GPR158: variants seen among roughly 807,000 people sequenced by gnomAD.
GPR158 encodes the protein metabotropic glycine receptor.
A neutral mutation model predicts 78.2 loss-of-function variants in GPR158; 30 were observed. That is an observed-to-expected ratio of 0.38 (90% CI 0.29 to 0.52). The LOEUF (loss-of-function observed/expected upper bound fraction) is 0.52. Among genes scored for constraint, GPR158 ranks in the 20% least tolerant of loss-of-function variants. GPR158 has a pLI of 0.83. For synonymous variants in GPR158, 581 were observed against 591.1 expected, an observed-to-expected ratio of 0.98 and a Z score of 0.25; for missense variants, 1,463 against 1,523.5, an observed-to-expected ratio of 0.96 and a Z score of 0.66.
At position 25,175,384 on chromosome 10, in the gene GPR158, C is replaced by T. The variant is rs1195305763; in HGVS notation, c.-37C>T. On this transcript the variant is annotated 5_prime_UTR_variant, in exon 1 of 11. Transcript: ENST00000376351. This position sits in a 1 kb window ranked among gnomAD's most constrained non-coding sequence, Gnocchi z 6.4. ...GATCCAAATTTAAAAAGTGATTCCC[C>T]CCCCTCCCGTTCCCTCCTCTTCTCT... is the stretch of plus-strand genomic sequence containing the variant. 1.6e-6 allele frequency: 2 copies of T among 1,287,318 alleles called. No homozygotes were observed. Among genetic ancestry groups the T allele is most frequent in the Non-Finnish European group, 1.1e-6 (1 of 926,964 alleles). The allele number at this position is 1,287,318 out of a possible 1,614,324, so 79.7% of individuals were successfully genotyped here.
At chr10:25,206,132 C>T (rs915893263) in intron 1 of GPR158, among the ~76,000 whole-genome samples, 3 of 151,754 alleles carry the variant, frequency 2.0e-5, no homozygotes, top group Non-Finnish European at 4.4e-5. Context: ...ACTACAGGCG[C>T]CCACCACCAC....
At chr10:25,513,086 G>A (rs1209172967) in intron 5 of GPR158, among the ~76,000 whole-genome samples, 1 of 151,922 alleles carries the variant, frequency 6.6e-6, no homozygotes, top group East Asian at 1.9e-4. Context: ...CTATCTTTTG[G>A]GATAGTGTCA....
intron 2 of GPR158, among the ~76,000 whole-genome samples, chr10:25,291,067 GT>G (rs1431775226): frequency 2.0e-5 from 3 of 151,962 alleles, no homozygotes; most frequent in African/African-American, 4.8e-5. Context: ...CATACTTGCA[GT>G]CATAATACGC....
intron 2 of GPR158, among the ~76,000 whole-genome samples, chr10:25,384,956 A>T (rs1834203731): frequency 6.6e-6 from 1 of 152,170 alleles, no homozygotes; most frequent in South Asian, 2.1e-4. Flanking sequence ...TATTTTTTTA[A>T]AAATTTAATT....
chr10:25,263,312 C>T (rs561421604), intron 2 of GPR158, among the ~76,000 whole-genome samples: 2 of 152,214 alleles, frequency 1.3e-5, no homozygotes, highest in African/African-American at 2.4e-5. Context: ...GTATTGCTTT[C>T]GCTTCTTTCT....
chr10:25,289,696 A>G (rs1854407161), intron 2 of GPR158, among the ~76,000 whole-genome samples: 1 of 152,160 alleles, frequency 6.6e-6, no homozygotes, highest in Non-Finnish European at 1.5e-5. Context: ...CTGAAATTAC[A>G]GGTGTGAGCC....
chr10:25,576,301 C>T (rs1033001237), intron 7 of GPR158, among the ~76,000 whole-genome samples: 2 of 152,116 alleles, frequency 1.3e-5, no homozygotes, highest in South Asian at 2.1e-4. Flanking sequence ...GTACGGGATT[C>T]GGTTTTTCAT....
In GPR158 at chr10:25,249,523, G is replaced by T. The variant is rs539692334; in HGVS notation, c.1008+28366G>T. Among the ~76,000 whole-genome samples, 14 of 151,634 alleles carry T rather than the reference G, an allele frequency of 9.2e-5. No individual in the cohort carries two copies. The South Asian group carries it at 2.7e-3, about 29-fold the overall frequency. On this transcript the variant is annotated intron_variant, in intron 2 of 10. Coordinates refer to ENST00000376351, the MANE Select transcript of GPR158 (RefSeq NM_020752.3). ...TTTATTGAGAGTTTTTAGCATGAAG[G>T]GTTGTTGAATTTTGTCAAAGGCTTT...
intron 5 of GPR158, among the ~76,000 whole-genome samples, chr10:25,484,019 T>C (rs1835698985): frequency 2.0e-5 from 3 of 152,194 alleles, no homozygotes; most frequent in Admixed American, 2.0e-4. Flanking sequence ...TAAATCTTTA[T>C]CTCTAATTTC....
chr10:25,471,025 T>C (rs2130623070), intron 5 of GPR158, among the ~76,000 whole-genome samples: 1 of 152,180 alleles, frequency 6.6e-6, no homozygotes, highest in African/African-American at 2.4e-5. Flanking sequence ...TTGTTACATA[T>C]GTATACATGT....
intron 2 of GPR158, among the ~76,000 whole-genome samples, chr10:25,269,756 G>A (rs1048786261): frequency 1.3e-5 from 2 of 152,160 alleles, no homozygotes; most frequent in African/African-American, 4.8e-5. Context: ...CGGAGAAACT[G>A]AGCTGATGTT....
At chr10:25,306,573 A>G (rs1487012904) in intron 2 of GPR158, among the ~76,000 whole-genome samples, 1 of 152,220 alleles carries the variant, frequency 6.6e-6, no homozygotes, top group Admixed American at 6.5e-5. Context: ...ATGTATATGC[A>G]CATGCAGACA....
intron 2 of GPR158, among the ~76,000 whole-genome samples, chr10:25,233,032 C>G (rs1853473390): frequency 6.6e-6 from 1 of 152,054 alleles, no homozygotes; most frequent in Admixed American, 6.6e-5. Flanking sequence ...ATATTTAGAG[C>G]AGTTATTGTG....
At chr10:25,516,463 G>A (rs1321401940) in intron 5 of GPR158, among the ~76,000 whole-genome samples, 9 of 151,420 alleles carry the variant, frequency 5.9e-5, no homozygotes, top group African/African-American at 1.9e-4. Context: ...TGTCCTGAAT[G>A]GTAATGCCTA....
At chr10:25,272,330 A>G (rs1854128063) in intron 2 of GPR158, among the ~76,000 whole-genome samples, 1 of 152,176 alleles carries the variant, frequency 6.6e-6, no homozygotes, top group African/African-American at 2.4e-5. Context: ...TTTCTTAATG[A>G]AAGAAAATTT....
chr10:25,217,947 G>T (rs1853241491), intron 1 of GPR158, among the ~76,000 whole-genome samples: 1 of 152,038 alleles, frequency 6.6e-6, no homozygotes, highest in East Asian at 1.9e-4. Context: ...TTCAGTCTCA[G>T]AATTTCCCAG....
At chr10:25,269,509 G>C (rs1048397251) in intron 2 of GPR158, among the ~76,000 whole-genome samples, 1 of 152,060 alleles carries the variant, frequency 6.6e-6, no homozygotes, top group African/African-American at 2.4e-5. Context: ...TTATATTTTA[G>C]CACAGAAGGA....
rs1564501872 is a variant in GPR158 at position 25,598,411 on chromosome 10, A to T, written c.2785A>T (p.Thr929Ser). ...CCAAACAGCAGGTGTGGAAGAACGC[A>T]CTAAATCCCAGAAACCTTTGCCAAA... is the stretch of plus-strand genomic sequence containing the variant. Reference protein sequence around the residue: ...KTQTAGVEERTKSQKPLPKDK... With the variant: ...KTQTAGVEERSKSQKPLPKDK... The change falls in exon 11 of 11, where the codon ACT (threonine) becomes TCT (serine). Residue 929 changes from threonine (T) to serine (S), a missense_variant. By Grantham distance (58) the Thr-to-Ser change is moderately conservative (BLOSUM62 1). Transcript: ENST00000376351. The T allele has an allele frequency of 6.2e-7, 1 of 1,614,130 alleles. No homozygotes were observed. Among genetic ancestry groups the T allele is most frequent in the Non-Finnish European group, 8.5e-7 (1 of 1,180,018 alleles).
chr10:25,424,424 T>C (rs1834791943), intron 4 of GPR158, among the ~76,000 whole-genome samples: 1 of 152,034 alleles, frequency 6.6e-6, no homozygotes, highest in South Asian at 2.1e-4. Context: ...TTTGTTGCCA[T>C]TGCTTTTGGT....
Sources: gnomAD v4.1 joint callset for allele counts (sites outside exome capture counted in the v4.1 genomes callset) on GRCh38, gnomAD v4.1.1 for gene constraint, Gnocchi (gnomAD v3.1) non-coding constraint, MANE v1.5 for transcripts, NCBI Gene and HGNC (gene_info 2026-07-23, HGNC 2026-07-21) for gene names.